Variants in DPP6 observed in about 807,000 individuals in gnomAD.
The protein encoded by DPP6 is dipeptidyl peptidase like 6.
DPP6 carries 69 observed loss-of-function variants against 122.6 expected under a neutral mutation model. That is an observed-to-expected ratio of 0.56 (90% CI 0.46 to 0.69). The LOEUF is 0.69. Among genes scored for constraint, DPP6 ranks in the 30% least tolerant of loss-of-function variants. The probability of loss-of-function intolerance (pLI) is 0.00; values close to 1 mark genes in which losing one functional copy is unlikely to be tolerated. For missense variants in DPP6, 928 were observed against 1,116.9 expected (o/e 0.83, Z 2.41); for synonymous variants, 418 against 433.1 (o/e 0.97, Z 0.43).
chr7:153,864,669 TAATACACACACACAC>T, the DPP6 span, among the ~76,000 whole-genome samples: 1 of 96,152 alleles, frequency 1.0e-5, no homozygotes, highest in South Asian at 3.9e-4. Flanking sequence ...AAAATAATAA[TAATACACACACACAC>T]ACACACACAC....
intron 8 of DPP6, among the ~76,000 whole-genome samples, chr7:154,762,033 G>A (rs564428453): frequency 2.0e-5 from 3 of 152,252 alleles, no homozygotes; most frequent in Admixed American, 6.5e-5. Context: ...ATGAGAAGCC[G>A]CTCACTATCA....
At chr7:154,243,486 A>G (rs899125711) in intron 1 of DPP6, among the ~76,000 whole-genome samples, 2 of 152,184 alleles carry the variant, frequency 1.3e-5, no homozygotes, top group African/African-American at 4.8e-5. Flanking sequence ...GTAGATGGGT[A>G]TAATAATAGT....
intron 5 of DPP6, among the ~76,000 whole-genome samples, chr7:154,635,064 T>G (rs754938528): frequency 3.3e-5 from 5 of 152,158 alleles, no homozygotes; most frequent in Non-Finnish European, 5.9e-5. Context: ...AGATACAAGC[T>G]TGGTTCAGGC....
At chr7:154,702,535 G>C (rs968623202) in intron 7 of DPP6, among the ~76,000 whole-genome samples, 22 of 152,246 alleles carry the variant, frequency 1.4e-4, no homozygotes, top group Admixed American at 5.2e-4. Flanking sequence ...ATGGAGAAAG[G>C]TTTCATGCTC....
At chr7:154,856,077 A>G (rs986390848) in intron 17 of DPP6, among the ~76,000 whole-genome samples, 4 of 152,214 alleles carry the variant, frequency 2.6e-5, no homozygotes, top group African/African-American at 4.8e-5. Flanking sequence ...TATTTGTGCA[A>G]CTTCCTAGGA....
chr7:154,591,034 G>T (rs1423410493), intron 5 of DPP6, among the ~76,000 whole-genome samples: 1 of 152,158 alleles, frequency 6.6e-6, no homozygotes, highest in African/African-American at 2.4e-5. Flanking sequence ...AGCAAGCTTA[G>T]ACTAGGGAGC....
chr7:154,531,724 C>T (rs766001849), intron 3 of DPP6, among the ~76,000 whole-genome samples: 4 of 151,912 alleles, frequency 2.6e-5, no homozygotes, highest in Non-Finnish European at 4.4e-5. Context: ...TTCTGTAATA[C>T]GTAAATTATG....
intron 6 of DPP6, among the ~76,000 whole-genome samples, chr7:154,659,892 T>G (rs10232618): frequency 6.6e-6 from 1 of 152,092 alleles, no homozygotes; most frequent in South Asian, 2.1e-4. Context: ...TTAATAGCCA[T>G]TGTTTCTCTT....
intron 2 of DPP6, among the ~76,000 whole-genome samples, chr7:154,469,235 CTG>C (rs1405446856): frequency 6.6e-6 from 1 of 152,152 alleles, no homozygotes; most frequent in Non-Finnish European, 1.5e-5. Context: ...GAGGTACTGA[CTG>C]TACATTTTCT....
intron 1 of DPP6, among the ~76,000 whole-genome samples, chr7:153,976,890 T>C (rs1177401254): frequency 1.3e-5 from 2 of 152,182 alleles, no homozygotes; most frequent in Non-Finnish European, 2.9e-5. Context: ...TCACACCTCA[T>C]GCTCCACCAG....
chr7:154,758,373 A>ATTTTTTTTTTTTTTT (rs10632379), intron 8 of DPP6, among the ~76,000 whole-genome samples: 1 of 143,664 alleles, frequency 7.0e-6, no homozygotes, highest in African/African-American at 2.6e-5. Context: ...GGAAATACAG[A>ATTTTTTTTTTTTTTT]TTTTTTTTTT....
the DPP6 span, among the ~76,000 whole-genome samples, chr7:153,861,877 G>T: frequency 1.3e-5 from 2 of 152,220 alleles, no homozygotes; most frequent in African/African-American, 2.4e-5. Flanking sequence ...CAATTTAGTG[G>T]TAGCAATTCT....
intron 1 of DPP6, among the ~76,000 whole-genome samples, chr7:153,997,816 C>T (rs1269531314): frequency 6.6e-6 from 1 of 150,860 alleles, no homozygotes; most frequent in Non-Finnish European, 1.5e-5. Context: ...GGCAGGTCTG[C>T]GTTCATGCCA....
At chr7:154,127,798 G>C (rs936931778) in intron 1 of DPP6, among the ~76,000 whole-genome samples, 24 of 152,168 alleles carry the variant, frequency 1.6e-4, no homozygotes, top group Non-Finnish European at 3.2e-4. Context: ...TTCTAAAGCT[G>C]TTCTCAGCTG....
intron 1 of DPP6, among the ~76,000 whole-genome samples, chr7:154,235,516 C>T (rs966700253): frequency 5.5e-5 from 8 of 146,316 alleles, no homozygotes; most frequent in Middle Eastern, 3.4e-3. Context: ...CAAACCAACT[C>T]TAAGTGATAA....
chr7:153,949,210 A>G (rs1348699859), intron 1 of DPP6, among the ~76,000 whole-genome samples: 1 of 152,198 alleles, frequency 6.6e-6, no homozygotes, highest in Non-Finnish European at 1.5e-5. Context: ...AGTGCAGCTA[A>G]GTGCAGCCAC....
intron 1 of DPP6, among the ~76,000 whole-genome samples, chr7:153,896,939 T>C (rs1055863987): frequency 1.3e-5 from 2 of 152,240 alleles, no homozygotes; most frequent in Non-Finnish European, 2.9e-5. Flanking sequence ...AAACTTTTTA[T>C]AAGAGGGTTC....
intron 2 of DPP6, among the ~76,000 whole-genome samples, chr7:154,451,361 CA>C (rs397890050): frequency 0.054 from 6,615 of 121,972 alleles, 296 homozygotes; most frequent in East Asian, 0.15. Flanking sequence ...CCTGTCTCAC[CA>C]AAAAAAAAAA....
chr7:153,988,905 C>G (rs2628957), intron 1 of DPP6, among the ~76,000 whole-genome samples: 137,476 of 148,196 alleles, frequency 0.93, 64,234 homozygotes, highest in African/African-American at 0.97. Flanking sequence ...GTATGGAAGT[C>G]AGGCGGGCCA....
Sources: gnomAD v4.1 joint callset for allele counts (sites outside exome capture counted in the v4.1 genomes callset) on GRCh38, gnomAD v4.1.1 for gene constraint, MANE v1.5 for transcripts, NCBI Gene and HGNC (gene_info 2026-07-23, HGNC 2026-07-21) for gene names.